The following UNC5D variants were observed in gnomAD, a reference collection of about 807,000 sequenced individuals.
UNC5D encodes unc-5 netrin receptor D, also known as netrin receptor UNC5D.
In UNC5D, 39 loss-of-function variants were observed where a neutral mutation model predicts 105.4. That is an observed-to-expected ratio of 0.37 (90% CI 0.29 to 0.48). UNC5D has a LOEUF of 0.48. Ranked by LOEUF, UNC5D falls within the 20% of genes least tolerant of loss-of-function variation. UNC5D has a pLI of 0.98. For synonymous variants in UNC5D, 452 were observed against 450.4 expected (o/e 1.00, Z -0.04); for missense variants, 991 against 1,202.4 (o/e 0.82, Z 2.60).
At chr8:35,630,262 A>G (rs534219815) in intron 4 of UNC5D, among the ~76,000 whole-genome samples, 1 of 152,192 alleles carries the variant, frequency 6.6e-6, no homozygotes, top group South Asian at 2.1e-4. Context: ...ATATACAAAT[A>G]CTCTTTTATC....
chr8:35,382,014 G>A (rs1482392650), intron 1 of UNC5D, among the ~76,000 whole-genome samples: 1 of 152,236 alleles, frequency 6.6e-6, no homozygotes, highest in Non-Finnish European at 1.5e-5. Flanking sequence ...TCAAAAGTGA[G>A]CATTGCAGCA....
At chr8:35,426,814 G>C (rs1481027216) in intron 1 of UNC5D, among the ~76,000 whole-genome samples, 3 of 152,168 alleles carry the variant, frequency 2.0e-5, no homozygotes, top group Non-Finnish European at 2.9e-5. Flanking sequence ...GATGCATTCA[G>C]CTTTGCAGAG....
chr8:35,447,149 G>C lies in UNC5D; in HGVS notation c.104-102143G>C, dbSNP rs185113749. On this transcript the variant is annotated intron_variant, in intron 1 of 16. Coordinates refer to ENST00000404895, the MANE Select transcript of UNC5D (RefSeq NM_080872.4). ...GTATAAAAACTCAAGTTTTCATGGT[G>C]GCACAGAAGTGGAGGAAGTTGGCTA... Among the ~76,000 whole-genome samples the C allele has an allele frequency of 9.2e-5, 14 of 152,084 alleles. No individual in the cohort carries two copies. The East Asian group carries it at 2.3e-3, about 25-fold the overall frequency.
chr8:35,279,796 G>A (rs966708171), intron 1 of UNC5D, among the ~76,000 whole-genome samples: 7 of 152,142 alleles, frequency 4.6e-5, no homozygotes, highest in African/African-American at 1.7e-4. Flanking sequence ...TCTTCCGTTG[G>A]CAAAAGATCC....
chr8:35,597,792 C>A (rs1350607285), intron 4 of UNC5D, among the ~76,000 whole-genome samples: 1 of 152,116 alleles, frequency 6.6e-6, no homozygotes. Context: ...GTATTAGTGA[C>A]CAACCAAAGG....
intron 7 of UNC5D, among the ~76,000 whole-genome samples, chr8:35,701,773 A>G (rs1012714857): frequency 4.6e-5 from 7 of 151,916 alleles, no homozygotes; most frequent in Non-Finnish European, 1.0e-4. Context: ...ATCACTGGCA[A>G]TTTTATGTAG....
intron 1 of UNC5D, among the ~76,000 whole-genome samples, chr8:35,245,585 G>C (rs954836035): frequency 3.6e-4 from 55 of 152,000 alleles, no homozygotes; most frequent in African/African-American, 1.3e-3. Context: ...AGAAATAACA[G>C]GTTTGTTATT....
chr8:35,757,674 A>T (rs746862480), intron 13 of UNC5D, among the ~76,000 whole-genome samples: 1 of 152,200 alleles, frequency 6.6e-6, no homozygotes, highest in Non-Finnish European at 1.5e-5. Flanking sequence ...CTGCACACCC[A>T]GTGCCCAGCT....
intron 1 of UNC5D, among the ~76,000 whole-genome samples, chr8:35,305,575 CTTTTTCTTTCTTTCTTTCTT>C (rs1808283482): frequency 1.0e-5 from 1 of 97,414 alleles, no homozygotes. Context: ...TTCTTTCTTT[CTTTTTCTTTCTTTCTTTCTT>C]TCTTTCTTTC....
Position 35,508,488 on chromosome 8 carries a change from G to A in UNC5D, c.104-40804G>A, listed in dbSNP as rs1423069367. On this transcript the variant is annotated intron_variant, in intron 1 of 16. Coordinates refer to ENST00000404895, the MANE Select transcript of UNC5D (RefSeq NM_080872.4). The stretch of plus-strand genomic sequence containing the variant: ...TGAGAGACAAAGGCAGGGATCACTT[G>A]CATCAAGCTACCGCCTTTGAATCTT... Among the ~76,000 whole-genome samples the A allele has an allele frequency of 1.3e-4, 20 of 152,204 alleles. 1 individual carries two copies. Among genetic ancestry groups the A allele is most frequent in the Admixed American group, 1.3e-3 (20 of 15,284 alleles).
chr8:35,376,317 A>G (rs933650587), intron 1 of UNC5D, among the ~76,000 whole-genome samples: 1 of 152,194 alleles, frequency 6.6e-6, no homozygotes, highest in African/African-American at 2.4e-5. Context: ...AGAAGAGATT[A>G]TCATACCTTC....
intron 1 of UNC5D, among the ~76,000 whole-genome samples, chr8:35,341,137 A>G (rs376154856): frequency 5.3e-5 from 8 of 152,296 alleles, no homozygotes; most frequent in Non-Finnish European, 1.0e-4. Flanking sequence ...TTGGTGAGAT[A>G]TAATACTCAG....
chr8:35,686,658 G>C lies in UNC5D; in HGVS notation c.1033G>C (p.Glu345Gln), dbSNP rs763882728. 6.2e-7 allele frequency: 1 copy of C among 1,605,432 alleles called. No homozygotes were observed. Among genetic ancestry groups the C allele is most frequent in the South Asian group, 1.1e-5 (1 of 89,694 alleles). ...PPPRNGGKFCEGLSQESENCT... is the reference protein window; with the variant it reads ...PPPRNGGKFCQGLSQESENCT... ...CCCGAGAAATGGGGGCAAATTCTGT[G>C]AAGGTCTAAGCCAGGAATCTGAAAA... is the stretch of plus-strand genomic sequence containing the variant. The change falls in exon 7 of 17, where the codon GAA (glutamate) becomes CAA (glutamine). Residue 345 changes from glutamate to glutamine, a missense_variant. Physicochemically the swap from Glu to Gln is conservative, Grantham distance 29. Transcript: ENST00000404895.
chr8:35,398,240 C>G (rs1052353170), intron 1 of UNC5D, among the ~76,000 whole-genome samples: 23 of 152,218 alleles, frequency 1.5e-4, no homozygotes, highest in African/African-American at 5.5e-4. Context: ...AGTCACCCTA[C>G]TAATAGGTCC....
At chr8:35,473,734 T>G (rs1809897379) in intron 1 of UNC5D, among the ~76,000 whole-genome samples, 1 of 152,204 alleles carries the variant, frequency 6.6e-6, no homozygotes, top group Admixed American at 6.5e-5. Flanking sequence ...TGGACACAAT[T>G]AACAATATAA....
intron 1 of UNC5D, among the ~76,000 whole-genome samples, chr8:35,421,739 T>C (rs1407132160): frequency 1.3e-5 from 2 of 152,192 alleles, no homozygotes; most frequent in African/African-American, 4.8e-5. Flanking sequence ...ATACAACATT[T>C]ATGAAAAAAT....
intron 1 of UNC5D, among the ~76,000 whole-genome samples, chr8:35,399,145 C>CAAAA (rs1029547730): frequency 5.5e-5 from 3 of 54,672 alleles, no homozygotes; most frequent in Non-Finnish European, 1.1e-4. Context: ...ACTCCATCTC[C>CAAAA]AAAAAAAAAA....
chr8:35,472,136 G>T (rs141271945), intron 1 of UNC5D, among the ~76,000 whole-genome samples: 31 of 152,300 alleles, frequency 2.0e-4, no homozygotes, highest in African/African-American at 7.0e-4. Context: ...GAAGGCAAAA[G>T]AATCTTGATT....
intron 4 of UNC5D, among the ~76,000 whole-genome samples, chr8:35,675,239 G>A (rs191923448): frequency 2.6e-5 from 4 of 152,156 alleles, no homozygotes; most frequent in African/African-American, 7.2e-5. Context: ...AAGAATAATG[G>A]ACCCCTCCCT....
Sources: allele counts gnomAD v4.1 joint callset (sites outside exome capture counted in the v4.1 genomes callset), GRCh38; gene constraint gnomAD v4.1.1; transcripts MANE v1.5; gene names NCBI Gene and HGNC (gene_info 2026-07-23, HGNC 2026-07-21).